Variants in ZNF717 observed in about 807,000 individuals in gnomAD.
ZNF717 encodes the protein zinc finger protein 717.
A neutral mutation model predicts 13.8 loss-of-function variants in ZNF717; 9 were observed. The observed-to-expected ratio is 0.65, with a 90% CI of 0.39 to 1.14. The LOEUF (loss-of-function observed/expected upper bound fraction) is 1.14. Ranked by LOEUF, ZNF717 falls within the 50% of genes most tolerant of loss-of-function variation. ZNF717 has a pLI of 0.01. For missense variants in ZNF717, 1,040 were observed against 1,080.7 expected (o/e 0.96, Z 0.53); for synonymous variants, 327 against 364.1 (o/e 0.90, Z 1.16).
intron 5 of ZNF717, among the ~76,000 whole-genome samples, chr3:75,711,881 A>C (rs555753876): frequency 8.3e-4 from 126 of 152,372 alleles, no homozygotes; most frequent in African/African-American, 3.0e-3. Flanking sequence ...AAAACTTGGA[A>C]TAGCCATGGT....
At chr3:75,727,296 A>T (rs4677023), downstream of ZNF717, among the ~76,000 whole-genome samples, 1 of 150,632 alleles carries the variant, frequency 6.6e-6, no homozygotes, top group African/African-American at 2.4e-5. Flanking sequence ...ATATGAAATC[A>T]GTGCACCCTG....
At chr3:75,734,235 A>AT (rs1330447651), downstream of ZNF717, among the ~76,000 whole-genome samples, 9 of 151,136 alleles carry the variant, frequency 6.0e-5, no homozygotes, top group Admixed American at 4.6e-4. Context: ...CGCCTGGCTA[A>AT]TTTTTTTGTA....
Position 75,737,966 on chromosome 3 carries a change from G to A in ZNF717, c.1657C>T (p.His553Tyr). ...TTTTCCCCTGTGTGAGTTCTGTGAT[G>A]TACTGTAAGGTATGACTTGTGGCTA... ...TYSHKSYLTV[H>Y]HRTHTGEKPY... Residue 553 changes from histidine (H) to tyrosine (Y), a missense_variant, in exon 5 of 5, where the codon CAT becomes TAT. Around this residue, in one of 3 missense-constraint regions of ZNF717, gnomAD observed 873 missense variants for 832.8 expected, o/e 1.05. Transcript: ENST00000652011. 6.4e-7 allele frequency: 1 copy of A among 1,553,890 alleles called. No homozygotes were observed. The highest frequency in any genetic ancestry group is 8.7e-7 in the Non-Finnish European group (1 of 1,148,640).
At chr3:75,779,211 A>T (rs1422164127) in intron 2 of ZNF717, among the ~76,000 whole-genome samples, 4 of 150,612 alleles carry the variant, frequency 2.7e-5, no homozygotes. Context: ...AACCCAAAAC[A>T]ATGGGAGTGA....
At chr3:75,777,560 A>G (rs1244635544) in intron 2 of ZNF717, among the ~76,000 whole-genome samples, 1 of 152,164 alleles carries the variant, frequency 6.6e-6, no homozygotes, top group Non-Finnish European at 1.5e-5. Flanking sequence ...CCTGAACCCA[A>G]AACAATGGGA....
chr3:75,748,648 C>T (rs113926561), intron 2 of ZNF717, among the ~76,000 whole-genome samples: 62 of 152,220 alleles, frequency 4.1e-4, no homozygotes, highest in African/African-American at 1.2e-3. Flanking sequence ...CAGCCCTTCA[C>T]GCTAAAAAAC....
chr3:75,705,794 G>A (rs1444257237), downstream of ZNF717, among the ~76,000 whole-genome samples: 9 of 152,092 alleles, frequency 5.9e-5, no homozygotes, highest in Non-Finnish European at 1.3e-4. Context: ...GTCTGAATTA[G>A]CCATATGCAA....
chr3:75,778,242 G>A (rs531586385), intron 2 of ZNF717, among the ~76,000 whole-genome samples: 5 of 148,640 alleles, frequency 3.4e-5, no homozygotes, highest in African/African-American at 7.5e-5. Context: ...TGGAGCTGAC[G>A]TGCTAAAACC....
intron 4 of ZNF717, among the ~76,000 whole-genome samples, chr3:75,718,531 A>C (rs1222429150): frequency 2.0e-5 from 3 of 152,180 alleles, no homozygotes; most frequent in Non-Finnish European, 4.4e-5. Context: ...GGAAAGAATA[A>C]ATGTGATATA....
chr3:75,747,955 TAAAG>T (rs1361375653), intron 2 of ZNF717, among the ~76,000 whole-genome samples: 1 of 151,840 alleles, frequency 6.6e-6, no homozygotes, highest in African/African-American at 2.4e-5. Flanking sequence ...GCAAGACTGA[TAAAG>T]AAGAAAAGAG....
intron 2 of ZNF717, among the ~76,000 whole-genome samples, chr3:75,774,821 G>A (rs1367264535): frequency 3.4e-4 from 26 of 76,384 alleles, no homozygotes; most frequent in South Asian, 7.5e-4. Flanking sequence ...GGGTTTCGCC[G>A]TGTTAGCCAG....
chr3:75,758,840 C>CA (rs748984499), intron 2 of ZNF717, among the ~76,000 whole-genome samples: 14,316 of 140,772 alleles, frequency 0.1, 1,198 homozygotes, highest in African/African-American at 0.23. Context: ...ACCATCTCTA[C>CA]AAAAAAAAAA....
chr3:75,782,546 C>T (rs1230589257), intron 2 of ZNF717, among the ~76,000 whole-genome samples: 1 of 152,178 alleles, frequency 6.6e-6, no homozygotes, highest in Non-Finnish European at 1.5e-5. Context: ...CACTGCACAA[C>T]ACTACAAGTG....
intron 2 of ZNF717, among the ~76,000 whole-genome samples, chr3:75,759,947 T>C (rs879879697): frequency 6.6e-6 from 1 of 152,260 alleles, no homozygotes; most frequent in Admixed American, 6.5e-5. Context: ...TTTATTTATC[T>C]TTATGTCAGG....
At chr3:75,776,448 A>C (rs1481626920) in intron 2 of ZNF717, among the ~76,000 whole-genome samples, 1 of 152,218 alleles carries the variant, frequency 6.6e-6, no homozygotes, top group African/African-American at 2.4e-5. Flanking sequence ...CTTCCATGCA[A>C]GAGGGTTGAT....
downstream of ZNF717, among the ~76,000 whole-genome samples, chr3:75,708,064 G>C (rs1403005762): frequency 8.7e-4 from 133 of 152,364 alleles, no homozygotes; most frequent in African/African-American, 2.9e-3. Flanking sequence ...AACCTCTGCA[G>C]ACTCAAATGT....
At chr3:75,715,362 T>C (rs1017577156) in intron 5 of ZNF717, among the ~76,000 whole-genome samples, 10 of 152,212 alleles carry the variant, frequency 6.6e-5, no homozygotes, top group African/African-American at 2.2e-4. Flanking sequence ...TCAGCGGTTT[T>C]AAATTATTTA....
intron 6 of ZNF717, among the ~76,000 whole-genome samples, chr3:75,699,770 A>T (rs1368184284): frequency 2.6e-5 from 4 of 152,302 alleles, no homozygotes; most frequent in Non-Finnish European, 4.4e-5. Context: ...TCCACCAAAA[A>T]ACTATTAGAA....
intron 4 of ZNF717, among the ~76,000 whole-genome samples, chr3:75,722,402 AGCTTTATACTCATATCT>A (rs1426461449): frequency 6.6e-6 from 1 of 152,256 alleles, no homozygotes; most frequent in Non-Finnish European, 1.5e-5. Context: ...AACTGAAGAC[AGCTTTATACTCATATCT>A]GCTTCTGAAT....
Sources: allele counts gnomAD v4.1 joint callset (sites outside exome capture counted in the v4.1 genomes callset), GRCh38; gene constraint gnomAD v4.1.1; regional missense constraint gnomAD v4.1.1; transcripts MANE v1.5; gene names NCBI Gene and HGNC (gene_info 2026-07-23, HGNC 2026-07-21).